Variants in CREBL2 observed in about 807,000 individuals in gnomAD.
CREBL2 encodes cAMP-responsive element-binding protein-like 2.
In CREBL2, 4 loss-of-function variants were observed where a neutral mutation model predicts 19.5. The ratio of observed to expected loss-of-function variants is 0.20; its 90% CI spans 0.10 to 0.47. The LOEUF (loss-of-function observed/expected upper bound fraction) is 0.47, where lower values mean the gene tolerates loss of function less well. CREBL2 is among the 20% of genes least tolerant of loss of function. The pLI, the probability that CREBL2 is intolerant of heterozygous loss-of-function variation, is 0.98. For synonymous variants in CREBL2, 42 were observed against 46.6 expected, an observed-to-expected ratio of 0.90 and a Z score of 0.40; for missense variants, 85 against 145.1, an observed-to-expected ratio of 0.59 and a Z score of 2.13.
At chr12:12,618,360 G>T (rs1470678231) in intron 1 of CREBL2, among the ~76,000 whole-genome samples, 1 of 152,002 alleles carries the variant, frequency 6.6e-6, no homozygotes, top group Admixed American at 6.6e-5. Flanking sequence ...ACGGGGTGGC[G>T]GTGGGGCAGA....
At chr12:12,613,977 TTTTC>T (rs1945287272) in intron 1 of CREBL2, among the ~76,000 whole-genome samples, 1 of 130,210 alleles carries the variant, frequency 7.7e-6, no homozygotes, top group African/African-American at 2.8e-5. Context: ...CTTCTTTCTT[TTTTC>T]TTTTTTTTCT....
chr12:12,634,005 A>G lies in CREBL2; in HGVS notation c.16-1772A>G, dbSNP rs192798138. ...GGGCGATTTTCAGAAAGAGCTAGACATCAGTCATTCAGAACCATGTCAGAA... is the reference window on the plus strand; with the variant it reads ...GGGCGATTTTCAGAAAGAGCTAGACGTCAGTCATTCAGAACCATGTCAGAA... On this transcript the variant is annotated intron_variant, in intron 1 of 3. Transcript: ENST00000228865. Among the ~76,000 whole-genome samples, 4 of 152,354 alleles carry G rather than the reference A, an allele frequency of 2.6e-5. No individual in the cohort carries two copies. In the East Asian group the frequency reaches 5.8e-4, roughly 22 times the overall value.
At position 12,635,392 on chromosome 12, in the gene CREBL2, C is replaced by T. The variant is rs2136306029; in HGVS notation, c.16-385C>T. 1.3e-5 allele frequency among the ~76,000 whole-genome samples: 2 copies of T among 149,810 alleles called. 1 individual carries two copies. The highest frequency in any genetic ancestry group is 4.2e-4 in the South Asian group (2 of 4,742). On this transcript the variant is annotated intron_variant, in intron 1 of 3. Transcript: ENST00000228865. ...TGGAAAAAAAAAAAAAAAAAATTGT[C>T]ATGAACAAAATATTTAGTAGACATT...
chr12:12,641,129 G>A (rs1945513487), intron 3 of CREBL2, among the ~76,000 whole-genome samples: 1 of 150,814 alleles, frequency 6.6e-6, no homozygotes, highest in Non-Finnish European at 1.5e-5. Flanking sequence ...TGAAGAAACT[G>A]GAAAGACTTT....
intron 1 of CREBL2, among the ~76,000 whole-genome samples, chr12:12,620,529 C>T (rs889320449): frequency 5.9e-5 from 9 of 152,178 alleles, no homozygotes; most frequent in Admixed American, 1.3e-4. Flanking sequence ...CATGCCCGGC[C>T]GCCTTCCTTT....
rs1275478813 is a variant in CREBL2, at chr12:12,642,979, T to G, written c.*981T>G. 2.0e-5 allele frequency: 3 copies of G among 152,646 alleles called. No individual in the cohort carries two copies. The highest frequency in any genetic ancestry group is 7.2e-5 in the African/African-American group (3 of 41,446). 9.5% of individuals were successfully genotyped at this position (152,646 alleles called of 1,614,324 possible). A position where few individuals can be genotyped will look rare whatever the true frequency, so the allele number is the denominator to read the frequency against. ...TAGCTGCTGAGATTGAGTTTCTGCC[T>G]TAAAATCTGAAACAAAAAAAGGGAC... On this transcript the variant is annotated 3_prime_UTR_variant, in exon 4 of 4. Coordinates refer to ENST00000228865, the MANE Select transcript of CREBL2 (RefSeq NM_001310.4).
chr12:12,621,101 C>A (rs1269444510), intron 1 of CREBL2, among the ~76,000 whole-genome samples: 2 of 152,214 alleles, frequency 1.3e-5, no homozygotes, highest in African/African-American at 4.8e-5. Context: ...GACAGACTTT[C>A]TGTAAAGGGC....
At chr12:12,613,695 C>G (rs575337471) in intron 1 of CREBL2, among the ~76,000 whole-genome samples, 68 of 152,240 alleles carry the variant, frequency 4.5e-4, no homozygotes, top group Non-Finnish European at 8.1e-4. Flanking sequence ...TTTCAGGAAG[C>G]TATCAGCTCA....
chr12:12,622,768 G>GT (rs1292773333), intron 1 of CREBL2, among the ~76,000 whole-genome samples: 2 of 152,120 alleles, frequency 1.3e-5, no homozygotes, highest in South Asian at 2.1e-4. Flanking sequence ...GCCACTGCTT[G>GT]TTTTTTTTCT....
rs1566101842 is a variant in CREBL2 at position 12,613,981 on chromosome 12, CTTTTTTTTCTTTTTTTT to C, written c.15+1803_15+1819del. Among the ~76,000 whole-genome samples, 3 of 93,362 alleles carry C rather than the reference CTTTTTTTTCTTTTTTTT, an allele frequency of 3.2e-5. 1 individual carries two copies. The highest frequency in any genetic ancestry group is 6.3e-5 in the Non-Finnish European group (3 of 47,684). 61.2% of individuals were successfully genotyped at this position (93,362 alleles called of 152,430 possible). On this transcript the variant is annotated intron_variant, in intron 1 of 3. Transcript: ENST00000228865. ...GGGACATCACACTTCTTTCTTTTTTCTTTTTTTTCTTTTTTTTTTTTTTTTTTTTGAGACGGAGTCTC... is the reference window on the plus strand; with the variant it reads ...GGGACATCACACTTCTTTCTTTTTTCTTTTTTTTTTTTGAGACGGAGTCTC...
chr12:12,624,596 G>C (rs1478603629), intron 1 of CREBL2, among the ~76,000 whole-genome samples: 1 of 152,226 alleles, frequency 6.6e-6, no homozygotes, highest in Non-Finnish European at 1.5e-5. Flanking sequence ...GCTAGCAGGA[G>C]TGAACTTTAT....
At chr12:12,623,927 T>G (rs1321706539) in intron 1 of CREBL2, among the ~76,000 whole-genome samples, 1 of 152,170 alleles carries the variant, frequency 6.6e-6, no homozygotes, top group Non-Finnish European at 1.5e-5. Flanking sequence ...TGAGGCAGAT[T>G]GCAGTGATGT....
intron 1 of CREBL2, among the ~76,000 whole-genome samples, chr12:12,632,064 C>CTTTT (rs1339084043): frequency 4.3e-5 from 4 of 91,984 alleles, no homozygotes; most frequent in Non-Finnish European, 7.0e-5. Flanking sequence ...TATACTATGC[C>CTTTT]TTTCTTTTTT....
chr12:12,640,462 C>T (rs557657621), intron 3 of CREBL2, among the ~76,000 whole-genome samples: 22 of 152,232 alleles, frequency 1.4e-4, no homozygotes, highest in African/African-American at 5.3e-4. Flanking sequence ...CCATAAAAAT[C>T]ACTGTTATTC....
At chr12:12,618,360 G>A (rs1470678231) in intron 1 of CREBL2, among the ~76,000 whole-genome samples, 1 of 152,002 alleles carries the variant, frequency 6.6e-6, no homozygotes, top group South Asian at 2.1e-4. Context: ...ACGGGGTGGC[G>A]GTGGGGCAGA....
At chr12:12,612,836 G>T (rs1359566287) in intron 1 of CREBL2, among the ~76,000 whole-genome samples, 1 of 152,188 alleles carries the variant, frequency 6.6e-6, no homozygotes. Flanking sequence ...TTCATTATTG[G>T]TTAATCCAAA....
rs192479203 is a variant in CREBL2, at chr12:12,615,108, G to A, written c.15+2921G>A. ...TGGCTCACTATAAACTCCGCCTCCC[G>A]GGTTCAAGTGATTCTCCTGCGTCAG... On this transcript the variant is annotated intron_variant, in intron 1 of 3. Coordinates refer to ENST00000228865, the MANE Select transcript of CREBL2 (RefSeq NM_001310.4). Among the ~76,000 whole-genome samples, 218 of 152,140 alleles carry A rather than the reference G, an allele frequency of 1.4e-3. 1 individual carries two copies. The highest frequency in any genetic ancestry group is 4.9e-3 in the African/African-American group (205 of 41,510).
At chr12:12,612,234 G>A (rs1213572889) in intron 1 of CREBL2, 47 bp downstream of exon 1, 15 of 1,612,852 alleles carry the variant, frequency 9.3e-6, no homozygotes, top group Non-Finnish European at 1.2e-5. Flanking sequence ...GTCGCTCAAT[G>A]CTAGTCCCGC....
At chr12:12,636,047 A>C in intron 2 of CREBL2, 73 bp downstream of exon 2, 5 of 1,354,614 alleles carry the variant, frequency 3.7e-6, no homozygotes, top group Non-Finnish European at 5.1e-6. Context: ...AAATACGAAA[A>C]TACCAGTTAT....
Sources: allele counts gnomAD v4.1 joint callset (sites outside exome capture counted in the v4.1 genomes callset), GRCh38; gene constraint gnomAD v4.1.1; transcripts MANE v1.5; gene names NCBI Gene and HGNC (gene_info 2026-07-23, HGNC 2026-07-21).